Variants in TCEA1 observed in about 807,000 individuals in gnomAD.
TCEA1 encodes transcription elongation factor A protein 1.
TCEA1 carries 21 observed loss-of-function variants against 43.8 expected under a neutral mutation model. The ratio of observed to expected loss-of-function variants is 0.48; its 90% confidence interval spans 0.34 to 0.69. TCEA1 has a LOEUF of 0.69. Ranked by LOEUF, TCEA1 falls within the 30% of genes least tolerant of loss-of-function variation. The probability of loss-of-function intolerance (pLI) is 0.01; values close to 1 mark genes in which losing one functional copy is unlikely to be tolerated. For missense variants in TCEA1, 250 were observed against 365.1 expected, an observed-to-expected ratio of 0.68 and a Z score of 2.57; for synonymous variants, 104 against 117.5, an observed-to-expected ratio of 0.88 and a Z score of 0.75.
chr8:54,008,661 TAA>T (rs60281426), intron 2 of TCEA1, among the ~76,000 whole-genome samples: 2,807 of 132,352 alleles, frequency 0.021, 39 homozygotes, highest in African/African-American at 0.026. Flanking sequence ...GACCTTATCT[TAA>T]AAAAAAAAAA....
chr8:53,972,548 A>G (rs1803189552), intron 8 of TCEA1: 7 of 546,942 alleles, frequency 1.3e-5, no homozygotes, highest in South Asian at 8.3e-5. Context: ...TAAAGGCAAA[A>G]GATTTGCTGA....
chr8:53,970,586 G>C (rs1803128139), intron 8 of TCEA1, 123 bp from the exon 9 acceptor site: 8 of 556,762 alleles, frequency 1.4e-5, no homozygotes, highest in Admixed American at 1.1e-4. Flanking sequence ...ATGAATAGAA[G>C]TCTGAAACAA....
intron 1 of TCEA1, among the ~76,000 whole-genome samples, chr8:54,016,781 C>T (rs1804841894): frequency 1.3e-5 from 2 of 151,902 alleles, no homozygotes; most frequent in Non-Finnish European, 1.5e-5. Flanking sequence ...TGAGACCGGC[C>T]TGGCCAATAT....
rs28575670 is a variant in TCEA1 at position 53,999,884 on chromosome 8, C to A, written c.232+61G>T. 7,916 of 1,133,972 alleles carry A rather than the reference C, an allele frequency of 7.0e-3. 388 individuals are homozygous for A. In the African/African-American group the frequency reaches 0.11, roughly 16 times the overall value. The allele number at this position is 1,133,972 out of a possible 1,614,324, so 70.2% of individuals were successfully genotyped here. ...ACCATTAACTAACCATAAAATGTAA[C>A]CATTAACTATTTGAATAAATCACAA... On this transcript the variant is annotated intron_variant, in intron 3 of 9. Coordinates refer to ENST00000521604, the MANE Select transcript of TCEA1 (RefSeq NM_006756.4).
At chr8:53,968,853 G>A (rs1035557931) in intron 9 of TCEA1, among the ~76,000 whole-genome samples, 2 of 152,074 alleles carry the variant, frequency 1.3e-5, no homozygotes, top group African/African-American at 4.8e-5. Flanking sequence ...TTCTCAACAC[G>A]ATTGAAAAAG....
At chr8:54,018,480 CCA>C (rs1332406180) in intron 1 of TCEA1, among the ~76,000 whole-genome samples, 1 of 152,180 alleles carries the variant, frequency 6.6e-6, no homozygotes, top group East Asian at 1.9e-4. Flanking sequence ...TAAATTATCT[CCA>C]GTTTACCATG....
Position 53,979,109 on chromosome 8 carries a change from C to T in TCEA1, c.741G>A (p.Glu247=), listed in dbSNP as rs1259275997. 1.9e-6 allele frequency: 3 copies of T among 1,613,816 alleles called. No individual in the cohort carries two copies. Among genetic ancestry groups the T allele is most frequent in the Middle Eastern group, 1.6e-4 (1 of 6,062 alleles). The part of the protein sequence containing the change: ...RKNLTKEAIR[E]HQMAKTGGTQ... ...TCCCACCAGTCTTGGCCATCTGATG[C>T]TCTCTGATGGCTTCTTTGGTCAAGT... Residue 247 remains glutamate (E), a synonymous_variant, in exon 8 of 10, where the codon GAG becomes GAA. Coordinates refer to ENST00000521604, the MANE Select transcript of TCEA1 (RefSeq NM_006756.4).
rs550431614 is a variant in TCEA1, at chr8:54,012,928, C to A, written c.64-2436G>T. Among the ~76,000 whole-genome samples the A allele has an allele frequency of 7.9e-4, 105 of 132,474 alleles. No homozygotes were observed. In the Middle Eastern group the frequency reaches 0.033, roughly 41 times the overall value. The allele number at this position is 132,474 out of a possible 152,430, so 86.9% of individuals were successfully genotyped here. A position where few individuals can be genotyped will look rare whatever the true frequency, so the allele number is the denominator to read the frequency against. Reference sequence around the variant, plus strand: ...AGCCTGTGTGGACAGAGTGAGACTCCATTTCTAAAATAAAAATTAAAAAAC... The same window carrying A: ...AGCCTGTGTGGACAGAGTGAGACTCAATTTCTAAAATAAAAATTAAAAAAC... On this transcript the variant is annotated intron_variant, in intron 1 of 9. Transcript: ENST00000521604.
chr8:53,996,367 T>A (rs971178363), intron 3 of TCEA1, among the ~76,000 whole-genome samples: 11 of 152,266 alleles, frequency 7.2e-5, no homozygotes, highest in African/African-American at 2.7e-4. Context: ...GTGTGCAAGG[T>A]ATTTAACCGC....
chr8:54,003,137 A>C (rs1262888319), intron 2 of TCEA1: 1 of 450,480 alleles, frequency 2.2e-6, no homozygotes, highest in African/African-American at 2.0e-5. Context: ...ACTATAAAAC[A>C]CATATGTAAA....
intron 2 of TCEA1, among the ~76,000 whole-genome samples, chr8:54,007,830 G>A (rs1375610794): frequency 6.6e-6 from 1 of 152,058 alleles, no homozygotes; most frequent in Non-Finnish European, 1.5e-5. Flanking sequence ...CATGTTATTG[G>A]CTATATTAAG....
chr8:53,974,218 T>C (rs1239404247), intron 8 of TCEA1: 1 of 154,526 alleles, frequency 6.5e-6, no homozygotes, highest in African/African-American at 2.4e-5. Context: ...TAACTGGATG[T>C]TATTTCTTTT....
chr8:54,004,934 A>G (rs1175542425), intron 2 of TCEA1, among the ~76,000 whole-genome samples: 4 of 152,156 alleles, frequency 2.6e-5, no homozygotes, highest in African/African-American at 7.2e-5. Flanking sequence ...AAATTAATCT[A>G]CTATATATAA....
chr8:53,997,851 A>G (rs1326989393), intron 3 of TCEA1, among the ~76,000 whole-genome samples: 1 of 152,206 alleles, frequency 6.6e-6, no homozygotes, highest in Non-Finnish European at 1.5e-5. Flanking sequence ...TAGGCAACAT[A>G]GCAAGACCCC....
At chr8:53,972,627 G>A in intron 8 of TCEA1, 1 of 601,478 alleles carries the variant, frequency 1.7e-6, no homozygotes, top group Non-Finnish European at 3.2e-6. Context: ...TTCAGAGTTT[G>A]GAAAGGAGAG....
At chr8:53,995,285 ACT>A (rs1804015828) in intron 3 of TCEA1, among the ~76,000 whole-genome samples, 1 of 139,732 alleles carries the variant, frequency 7.2e-6, no homozygotes, top group Non-Finnish European at 1.5e-5. Context: ...ACAGAGTGAG[ACT>A]CTGTCTCAAA....
At chr8:53,975,385 T>C (rs545623017) in intron 8 of TCEA1, among the ~76,000 whole-genome samples, 1 of 152,366 alleles carries the variant, frequency 6.6e-6, no homozygotes, top group South Asian at 2.1e-4. Flanking sequence ...GCAATTCCAC[T>C]GTTGGGTACA....
chr8:53,967,976 A>G lies in TCEA1; in HGVS notation c.*128T>C. The G allele has an allele frequency of 1.3e-6, 1 of 783,116 alleles. No homozygotes were observed. The highest frequency in any genetic ancestry group is 2.0e-6 in the Non-Finnish European group (1 of 498,846). The allele number at this position is 783,116 out of a possible 1,614,324, so 48.5% of individuals were successfully genotyped here. On this transcript the variant is annotated 3_prime_UTR_variant, in exon 10 of 10. Coordinates refer to ENST00000521604, the MANE Select transcript of TCEA1 (RefSeq NM_006756.4). ...CATTTAAGGAAGGGATGTTAGGTCAAAAACAAAGTCTAACCCAAGTTGCTT... is the reference window on the plus strand; with the variant it reads ...CATTTAAGGAAGGGATGTTAGGTCAGAAACAAAGTCTAACCCAAGTTGCTT...
intron 7 of TCEA1, among the ~76,000 whole-genome samples, chr8:53,983,630 T>C (rs913488615): frequency 6.6e-6 from 1 of 151,426 alleles, no homozygotes; most frequent in Admixed American, 6.6e-5. Flanking sequence ...ACTATGCCAT[T>C]GCATCCCAGC....
Sources: allele counts gnomAD v4.1 joint callset (sites outside exome capture counted in the v4.1 genomes callset), GRCh38; gene constraint gnomAD v4.1.1; transcripts MANE v1.5; gene names NCBI Gene and HGNC (gene_info 2026-07-23, HGNC 2026-07-21).